Variants in GLYAT observed in about 807,000 individuals in gnomAD.
The protein encoded by GLYAT is glycine N-acyltransferase.
Under a neutral mutation model 22.8 loss-of-function variants are expected in GLYAT, and 25 were observed. The ratio of observed to expected loss-of-function variants is 1.09; its 90% CI spans 0.80 to 1.53. The LOEUF (loss-of-function observed/expected upper bound fraction) is 1.53. Among genes scored for constraint, GLYAT ranks in the 40% most tolerant of loss-of-function variants. GLYAT has a pLI of 0.00. For synonymous variants in GLYAT, 140 were observed against 122.7 expected, an observed-to-expected ratio of 1.14 and a Z score of -0.93; for missense variants, 411 against 353.9, an observed-to-expected ratio of 1.16 and a Z score of -1.29.
chr11:58,710,238 T>C (rs1856596981), intron 5 of GLYAT, 70 bp from the exon 6 acceptor site: 1 of 1,524,182 alleles, frequency 6.6e-7, no homozygotes, highest in Non-Finnish European at 8.8e-7. Flanking sequence ...ACCTCTATTG[T>C]CTTGAGAGAC....
intron 2 of GLYAT, among the ~76,000 whole-genome samples, chr11:58,715,971 G>T (rs1856674786): frequency 6.6e-6 from 1 of 152,110 alleles, no homozygotes; most frequent in Non-Finnish European, 1.5e-5. Context: ...CTATATACAT[G>T]TTTAAAACTC....
At chr11:58,710,988 CA>C (rs1856609514) in intron 4 of GLYAT, among the ~76,000 whole-genome samples, 1 of 152,132 alleles carries the variant, frequency 6.6e-6, no homozygotes, top group Admixed American at 6.5e-5. Context: ...CCTCTAGAAG[CA>C]AAATTTATTC....
intron 3 of GLYAT, among the ~76,000 whole-genome samples, chr11:58,714,468 C>G (rs920149228): frequency 6.6e-6 from 1 of 152,128 alleles, no homozygotes; most frequent in Non-Finnish European, 1.5e-5. Context: ...AGTGTTTCCT[C>G]AAATGTGTAT....
At chr11:58,724,952 A>G (rs1856797225) in intron 1 of GLYAT, among the ~76,000 whole-genome samples, 1 of 152,092 alleles carries the variant, frequency 6.6e-6, no homozygotes, top group Non-Finnish European at 1.5e-5. Flanking sequence ...GAATACCTGC[A>G]ATGTGCTTAG....
chr11:58,712,668 G>A, intron 4 of GLYAT, 92 bp downstream of exon 4: 3 of 1,082,792 alleles, frequency 2.8e-6, no homozygotes, highest in Non-Finnish European at 2.8e-6. Flanking sequence ...CAGGCTGGGA[G>A]TCTGGAGCTT....
chr11:58,711,371 A>G (rs1245435940), intron 4 of GLYAT, among the ~76,000 whole-genome samples: 1 of 152,204 alleles, frequency 6.6e-6, no homozygotes, highest in Non-Finnish European at 1.5e-5. Context: ...TTCAGTTCTC[A>G]TGGCAAAATT....
At chr11:58,726,496 T>C (rs963329313) in intron 1 of GLYAT, among the ~76,000 whole-genome samples, 7 of 152,024 alleles carry the variant, frequency 4.6e-5, no homozygotes, top group Admixed American at 4.6e-4. Context: ...GACTCTTGAG[T>C]ATTGAGAAGA....
In GLYAT at chr11:58,712,873, T is replaced by G. The variant is rs774593791; in HGVS notation, c.203A>C (p.Asp68Ala). 3.8e-6 allele frequency: 6 copies of G among 1,599,522 alleles called. No individual in the cohort carries two copies. The Admixed American group carries it at 1.0e-4, about 27-fold the overall frequency. Reference protein sequence around the residue: ...VCPQEQDMTDDLDHYTNTYQI... With the variant: ...VCPQEQDMTDALDHYTNTYQI... ...GTAAGTATTGGTATAGTGATCAAGG[T>G]CATCTGTCATATCCTGTTATCATTA... The change falls in exon 4 of 6, where the codon GAC becomes GCC. Residue 68 changes from aspartate (D) to alanine (A), a missense_variant. By Grantham distance (126) the Asp-to-Ala change is moderately radical (BLOSUM62 -2). Coordinates refer to ENST00000344743, the MANE Select transcript of GLYAT (RefSeq NM_201648.3).
intron 2 of GLYAT, among the ~76,000 whole-genome samples, chr11:58,719,498 A>C (rs1223554854): frequency 6.6e-6 from 1 of 151,126 alleles, no homozygotes; most frequent in Non-Finnish European, 1.5e-5. Context: ...ATTAATGATT[A>C]ATTTACGGAG....
intron 2 of GLYAT, among the ~76,000 whole-genome samples, chr11:58,718,914 C>G (rs1007809059): frequency 8.6e-5 from 13 of 151,936 alleles, no homozygotes. Context: ...ATTATAATTA[C>G]AGGAGTTTCC....
At position 58,709,885 on chromosome 11, in the gene GLYAT, C is replaced by G. The variant is rs1156450020; in HGVS notation, c.772G>C (p.Gly258Arg). The G allele has an allele frequency of 6.2e-7, 1 of 1,614,130 alleles. No homozygotes were observed. Among genetic ancestry groups the G allele is most frequent in the East Asian group, 2.2e-5 (1 of 44,878 alleles). ...TCTACATGAGAATAGACAGGAAACC[C>G]AAGTTTGCCCAATTTCTGGGCGTGG... ...YSHAQKLGKL[G>R]FPVYSHVDYS... The change falls in exon 6 of 6, where the codon GGG (glycine) becomes CGG (arginine). Residue 258 changes from glycine to arginine, a missense_variant. Gly to Arg is a moderately radical substitution (Grantham distance 125, BLOSUM62 -2). Transcript: ENST00000344743.
Position 58,709,944 on chromosome 11 carries a change from C to A in GLYAT, c.713G>T (p.Arg238Leu). The A allele has an allele frequency of 1.9e-6, 3 of 1,614,038 alleles. No homozygotes were observed. The highest frequency in any genetic ancestry group is 2.5e-6 in the Non-Finnish European group (3 of 1,179,960). ...GACATACGTCACAAGGCCATGGAGC[C>A]GGTATTCCGGCAAGGTGCCTGCCAT... ...MRMAGTLPEY[R>L]LHGLVTYVIY... Residue 238 changes from arginine (R) to leucine (L), a missense_variant, in exon 6 of 6, where the codon CGG becomes CTG. Arg to Leu is a moderately radical substitution (Grantham distance 102, BLOSUM62 -2). Transcript: ENST00000344743.
rs114888117 is a variant in GLYAT at position 58,709,925 on chromosome 11, C to G, written c.732G>C (p.Thr244=). 12 of 1,613,958 alleles carry G rather than the reference C, an allele frequency of 7.4e-6. No homozygotes were observed. Among genetic ancestry groups the G allele is most frequent in the African/African-American group, 1.3e-5 (1 of 74,934 alleles). Residue 244 remains threonine (T), a synonymous_variant, in exon 6 of 6, where the codon ACG becomes ACC. Coordinates refer to ENST00000344743, the MANE Select transcript of GLYAT (RefSeq NM_201648.3). ...TCTGGGCGTGGGAATAGATGACATA[C>G]GTCACAAGGCCATGGAGCCGGTATT... ...LPEYRLHGLV[T]YVIYSHAQKL...
chr11:58,724,392 CCT>C, intron 2 of GLYAT, 22 bp downstream of exon 2: 1 of 1,344,244 alleles, frequency 7.4e-7, no homozygotes, highest in Non-Finnish European at 1.1e-6. Flanking sequence ...CTTCTTTACT[CCT>C]CTCAGAATTT....
intron 3 of GLYAT, among the ~76,000 whole-genome samples, chr11:58,715,057 GC>G (rs1856662792): frequency 1.3e-5 from 2 of 151,796 alleles, no homozygotes; most frequent in East Asian, 3.9e-4. Context: ...TTATCGGGTA[GC>G]CCCACCTTTG....
intron 1 of GLYAT, among the ~76,000 whole-genome samples, chr11:58,725,459 A>C (rs1419640484): frequency 6.6e-6 from 1 of 152,116 alleles, no homozygotes; most frequent in Non-Finnish European, 1.5e-5. Context: ...GGGCTATGAG[A>C]GAGTGTTGCA....
At chr11:58,721,254 C>T (rs1019445941) in intron 2 of GLYAT, among the ~76,000 whole-genome samples, 1 of 151,604 alleles carries the variant, frequency 6.6e-6, no homozygotes, top group African/African-American at 2.4e-5. Context: ...AAGGAAACAA[C>T]TCAGGTGAAA....
In GLYAT at chr11:58,712,665, G is replaced by C. The variant is rs566327824; in HGVS notation, c.316+95C>G. ...CAGTAACAAAATTGACAGCAGGCTG[G>C]GAGTCTGGAGCTTGGAGGAAGGAGG... On this transcript the variant is annotated intron_variant, in intron 4 of 5. Transcript: ENST00000344743. 102 of 1,042,090 alleles carry C rather than the reference G, an allele frequency of 9.8e-5. No homozygotes were observed. The African/African-American group carries it at 1.4e-3, about 14-fold the overall frequency. 64.6% of individuals were successfully genotyped at this position (1,042,090 alleles called of 1,614,324 possible).
intron 2 of GLYAT, among the ~76,000 whole-genome samples, chr11:58,720,185 A>T (rs548848559): frequency 6.6e-6 from 1 of 151,944 alleles, no homozygotes; most frequent in Non-Finnish European, 1.5e-5. Flanking sequence ...TCACCTCTTT[A>T]AAAAACACAC....
Sources: gnomAD v4.1 joint callset for allele counts (sites outside exome capture counted in the v4.1 genomes callset) on GRCh38, gnomAD v4.1.1 for gene constraint, MANE v1.5 for transcripts, NCBI Gene and HGNC (gene_info 2026-07-23, HGNC 2026-07-21) for gene names.